The following ANO1 variants were observed in gnomAD, a reference collection of about 807,000 sequenced individuals.
ANO1 encodes anoctamin 1.
ANO1 carries 59 observed loss-of-function variants against 124.0 expected under a neutral mutation model. The ratio of observed to expected loss-of-function variants is 0.48; its 90% CI spans 0.39 to 0.59. The LOEUF is 0.59. Among genes scored for constraint, ANO1 ranks in the 20% least tolerant of loss-of-function variants. The pLI, the probability that ANO1 is intolerant of heterozygous loss-of-function variation, is 0.00. For missense variants in ANO1, 1,059 were observed against 1,328.0 expected, an observed-to-expected ratio of 0.80 and a Z score of 3.15; for synonymous variants, 529 against 532.0, an observed-to-expected ratio of 0.99 and a Z score of 0.08.
intron 16 of ANO1, among the ~76,000 whole-genome samples, chr11:70,159,418 GAC>G (rs1445980337): frequency 6.6e-6 from 1 of 152,248 alleles, no homozygotes; most frequent in African/African-American, 2.4e-5. Flanking sequence ...GTAGAGGAAA[GAC>G]AGAGGATATT....
intron 22 of ANO1, among the ~76,000 whole-genome samples, chr11:70,179,041 C>T (rs907505660): frequency 6.6e-6 from 1 of 152,240 alleles, no homozygotes; most frequent in Non-Finnish European, 1.5e-5. Flanking sequence ...CACCAGCATG[C>T]ACCCCAAAAA....
chr11:70,044,939 G>T (rs529586071), intron 1 of ANO1, among the ~76,000 whole-genome samples: 1 of 152,298 alleles, frequency 6.6e-6, no homozygotes, highest in East Asian at 1.9e-4. Context: ...CTATAGATTA[G>T]ATTACAGTAT....
chr11:69,994,869 G>T (rs191506482), intron 1 of ANO1, among the ~76,000 whole-genome samples: 1 of 152,076 alleles, frequency 6.6e-6, no homozygotes, highest in Admixed American at 6.5e-5. Flanking sequence ...GGCATGAGAC[G>T]GGCTCACTTC....
intron 10 of ANO1, among the ~76,000 whole-genome samples, chr11:70,128,893 C>T (rs2046631451): frequency 6.6e-6 from 1 of 152,232 alleles, no homozygotes; most frequent in African/African-American, 2.4e-5. Context: ...AGCGGTAGGG[C>T]TCATGGGCAG....
intron 1 of ANO1, among the ~76,000 whole-genome samples, chr11:70,082,184 C>T (rs1032717934): frequency 2.0e-5 from 3 of 152,062 alleles, no homozygotes; most frequent in Non-Finnish European, 4.4e-5. Context: ...TATACAAGAC[C>T]CAGCCTCTGT....
chr11:70,054,610 A>G (rs1857405140), intron 1 of ANO1, among the ~76,000 whole-genome samples: 1 of 152,262 alleles, frequency 6.6e-6, no homozygotes, highest in African/African-American at 2.4e-5. Flanking sequence ...TTATAACTTA[A>G]CTATTTAGAC....
At chr11:70,145,961 AAAAAG>A (rs2047361686) in intron 11 of ANO1, among the ~76,000 whole-genome samples, 2 of 150,620 alleles carry the variant, frequency 1.3e-5, no homozygotes, top group Non-Finnish European at 3.0e-5. Context: ...AAAAAAAAAA[AAAAAG>A]AAAGAAAGAA....
At chr11:70,071,255 T>TC (rs1365832908) in intron 1 of ANO1, among the ~76,000 whole-genome samples, 3 of 152,338 alleles carry the variant, frequency 2.0e-5, no homozygotes, top group African/African-American at 4.8e-5. Flanking sequence ...AAAAAGCTGT[T>TC]CAACTATTTT....
intron 22 of ANO1, among the ~76,000 whole-genome samples, chr11:70,179,001 G>A (rs1356905266): frequency 6.6e-6 from 1 of 152,276 alleles, no homozygotes; most frequent in Non-Finnish European, 1.5e-5. Flanking sequence ...GGGCCACACA[G>A]GGGCCTGAGC....
chr11:70,035,912 T>C (rs1857085824), intron 1 of ANO1, among the ~76,000 whole-genome samples: 1 of 152,218 alleles, frequency 6.6e-6, no homozygotes, highest in African/African-American at 2.4e-5. Context: ...ATTTTCTTTA[T>C]CCAATCTATC....
chr11:69,988,922 G>C (rs576023078), intron 1 of ANO1, among the ~76,000 whole-genome samples: 2 of 150,200 alleles, frequency 1.3e-5, no homozygotes, highest in African/African-American at 4.9e-5. Flanking sequence ...AATGAGGAAG[G>C]AAGGAATGAG....
In ANO1 at chr11:70,066,960, C is replaced by T. The variant is rs1414494301; in HGVS notation, c.59-11582C>T. ...CCCAAAACAAACTTGAAAAAGCAGCCCCCCAGCGGGGAGGCCAGTCTGTCC... is the reference window on the plus strand; with the variant it reads ...CCCAAAACAAACTTGAAAAAGCAGCTCCCCAGCGGGGAGGCCAGTCTGTCC... On this transcript the variant is annotated intron_variant, in intron 1 of 27. Coordinates refer to the ANO1 transcript ENST00000531349. 2.6e-5 allele frequency among the ~76,000 whole-genome samples: 4 copies of T among 152,206 alleles called. No homozygotes were observed. The East Asian group carries it at 7.7e-4, about 29-fold the overall frequency.
At chr11:70,014,175 A>C (rs190779312) in intron 1 of ANO1, among the ~76,000 whole-genome samples, 7,727 of 152,086 alleles carry the variant, frequency 0.051, 655 homozygotes, top group African/African-American at 0.17. Context: ...CTGGGGGGGA[A>C]GCACAATTCA....
intron 6 of ANO1, among the ~76,000 whole-genome samples, chr11:70,109,727 CA>C (rs1185318006): frequency 6.6e-6 from 1 of 152,198 alleles, no homozygotes; most frequent in African/African-American, 2.4e-5. Flanking sequence ...GCGTTCCTTC[CA>C]GTAGAAACGT....
intron 1 of ANO1, chr11:70,056,648 T>C (rs1332557419): frequency 6.6e-6 from 1 of 152,124 alleles, no homozygotes; most frequent in African/African-American, 2.4e-5. Context: ...GAGCATATCA[T>C]ATTCTTAACT....
intron 2 of ANO1, among the ~76,000 whole-genome samples, chr11:70,095,885 A>G (rs1367683320): frequency 1.2e-5 from 1 of 80,482 alleles, no homozygotes; most frequent in Non-Finnish European, 3.7e-5. Context: ...TTTTATTTCT[A>G]GGAGTTCTAT....
chr11:70,087,911 T>A lies in ANO1; in HGVS notation c.268T>A (p.Ser90Thr), dbSNP rs1425724209. The A allele has an allele frequency of 6.2e-6, 10 of 1,609,888 alleles. No individual in the cohort carries two copies. The highest frequency in any genetic ancestry group is 1.6e-4 in the Middle Eastern group (1 of 6,080). Residue 90 changes from serine to threonine, a missense_variant, in exon 2 of 26, where the codon TCT (serine) becomes ACT (threonine). This residue lies in a region of ANO1 where 250 missense variants were observed against 233.1 expected (regional missense o/e 1.07). Coordinates refer to ENST00000355303, the MANE Select transcript of ANO1 (RefSeq NM_018043.7). Reference sequence around the variant, plus strand: ...GAGGGTGCAGCACAGCGACACCCCCTCTGGGGCTCGCAGCGTCAAGCAGGA... The same window carrying A: ...GAGGGTGCAGCACAGCGACACCCCCACTGGGGCTCGCAGCGTCAAGCAGGA... ...VRRVQHSDTP[S>T]GARSVKQDHP...
chr11:70,151,063 T>C (rs2047583521), intron 12 of ANO1, among the ~76,000 whole-genome samples: 3 of 152,186 alleles, frequency 2.0e-5, no homozygotes, highest in Non-Finnish European at 2.9e-5. Context: ...CAGAGTTCCA[T>C]CCAGATTCGG....
chr11:70,108,400 C>T lies in ANO1; in HGVS notation c.795C>T (p.Ser265=). 1 of 1,611,736 alleles carries T rather than the reference C, an allele frequency of 6.2e-7. No homozygotes were observed. Among genetic ancestry groups the T allele is most frequent in the Non-Finnish European group, 8.5e-7 (1 of 1,178,310 alleles). Residue 265 remains serine, a synonymous_variant, in exon 6 of 26, where the codon AGC becomes AGT. Transcript: ENST00000355303. ...CGACGTGTACAAAGGCCAAGTACAG[C>T]ATGGGTAAGCACGTTTTTGGGGCTT... ...KRTTCTKAKY[S]MGITSLLANG...
Sources: allele counts gnomAD v4.1 joint callset (sites outside exome capture counted in the v4.1 genomes callset), GRCh38; gene constraint gnomAD v4.1.1; regional missense constraint gnomAD v4.1.1; transcripts MANE v1.5; gene names NCBI Gene and HGNC (gene_info 2026-07-23, HGNC 2026-07-21).